Variants in MOB4 observed in about 807,000 individuals in gnomAD.
MOB4 encodes MOB-like protein phocein.
In MOB4, 4 loss-of-function variants were observed where a neutral mutation model predicts 32.2. The ratio of observed to expected loss-of-function variants is 0.12; its 90% CI spans 0.06 to 0.28. The LOEUF (loss-of-function observed/expected upper bound fraction) is 0.28, where lower values mean the gene tolerates loss of function less well. MOB4 is among the 10% of genes least tolerant of loss of function. The probability of loss-of-function intolerance (pLI) is 1.00; values close to 1 mark genes in which losing one functional copy is unlikely to be tolerated. For missense variants in MOB4, 158 were observed against 271.2 expected, an observed-to-expected ratio of 0.58 and a Z score of 2.93; for synonymous variants, 88 against 88.1, an observed-to-expected ratio of 1.00 and a Z score of 0.01.
At chr2:197,538,756 G>T (rs2086846358) in intron 3 of MOB4, among the ~76,000 whole-genome samples, 1 of 152,118 alleles carries the variant, frequency 6.6e-6, no homozygotes, top group African/African-American at 2.4e-5. Context: ...TAAAAGGGTT[G>T]GGTAAGAAAC....
At chr2:197,522,482 C>T (rs1245661351) in intron 1 of MOB4, among the ~76,000 whole-genome samples, 2 of 151,652 alleles carry the variant, frequency 1.3e-5, no homozygotes, top group African/African-American at 4.8e-5. Flanking sequence ...AGGCGCACGC[C>T]ACCATGCCCG....
chr2:197,528,196 C>G (rs1313769714), intron 2 of MOB4, among the ~76,000 whole-genome samples: 2 of 152,126 alleles, frequency 1.3e-5, no homozygotes, highest in Admixed American at 6.6e-5. Flanking sequence ...CGTTTTATTA[C>G]TTTTTAATTT....
At chr2:197,528,259 G>A (rs1488648465) in intron 2 of MOB4, among the ~76,000 whole-genome samples, 2 of 151,984 alleles carry the variant, frequency 1.3e-5, no homozygotes, top group East Asian at 3.9e-4. Flanking sequence ...GTCTTTTTAA[G>A]GGTGAGTTGA....
chr2:197,535,704 G>A, intron 3 of MOB4, 74 bp downstream of exon 3: 1 of 1,515,672 alleles, frequency 6.6e-7, no homozygotes, highest in Non-Finnish European at 8.9e-7. Context: ...ATTATGAATT[G>A]TAAAATTTAC....
intron 6 of MOB4, 38 bp from the exon 7 acceptor site, chr2:197,550,237 C>A (rs2087074549): frequency 6.4e-7 from 1 of 1,558,604 alleles, no homozygotes; most frequent in Non-Finnish European, 8.7e-7. Context: ...AAGATTCTAT[C>A]CAGTTCTAAG....
intron 1 of MOB4, 153 bp downstream of exon 1, chr2:197,516,299 T>A (rs1279345395): frequency 7.0e-7 from 1 of 1,436,444 alleles, no homozygotes; most frequent in Non-Finnish European, 9.1e-7. Context: ...CTGCAGCCCC[T>A]CAATTTGGCT....
At chr2:197,539,717 C>T (rs943822093) in intron 3 of MOB4, among the ~76,000 whole-genome samples, 6 of 152,154 alleles carry the variant, frequency 3.9e-5, no homozygotes, top group African/African-American at 1.2e-4. Flanking sequence ...TATATAGCTC[C>T]TGTGAACATC....
At chr2:197,519,687 G>T (rs1258719125) in intron 1 of MOB4, among the ~76,000 whole-genome samples, 1 of 152,102 alleles carries the variant, frequency 6.6e-6, no homozygotes. Context: ...CCCCTGAAAT[G>T]AATATTTTCA....
rs565595145 is a variant in MOB4 at position 197,520,966 on chromosome 2, T to C, written c.61-2658T>C. Among the ~76,000 whole-genome samples, 11 of 151,158 alleles carry C rather than the reference T, an allele frequency of 7.3e-5. No individual in the cohort carries two copies. The South Asian group carries it at 1.5e-3, about 20-fold the overall frequency. On this transcript the variant is annotated intron_variant, in intron 1 of 7. Transcript: ENST00000323303. The stretch of plus-strand genomic sequence containing the variant: ...TTTAACAGAAAGCTGGTTTATTTGA[T>C]GTTTCCTTCTCTTTTTAAAATTTTT...
intron 6 of MOB4, among the ~76,000 whole-genome samples, chr2:197,549,233 A>G (rs958896773): frequency 1.3e-5 from 2 of 152,198 alleles, no homozygotes; most frequent in Non-Finnish European, 2.9e-5. Flanking sequence ...TCTCAAAAAA[A>G]AAAGAGCAGA....
upstream of MOB4, chr2:197,515,858 G>A (rs987165791): frequency 1.9e-6 from 1 of 536,968 alleles, no homozygotes; most frequent in Non-Finnish European, 3.3e-6. Context: ...CCCGCCTTCC[G>A]GTGCCTCAGT....
rs779338386 is a variant in MOB4 at position 197,550,502 on chromosome 2, T to C, written c.547-13T>C. On this transcript the variant is annotated splice_polypyrimidine_tract_variant and intron_variant, in intron 7 of 7. Transcript: ENST00000323303. ...AGTGAATTAAAATAACATTTTTGTC[T>C]TCCTCTCTACAGAATGAAACATTTT... The C allele has an allele frequency of 6.3e-7, 1 of 1,583,992 alleles. No homozygotes were observed. The highest frequency in any genetic ancestry group is 8.6e-7 in the Non-Finnish European group (1 of 1,167,920).
intron 5 of MOB4, among the ~76,000 whole-genome samples, chr2:197,544,400 C>T (rs2086955125): frequency 6.6e-6 from 1 of 152,018 alleles, no homozygotes; most frequent in Non-Finnish European, 1.5e-5. Flanking sequence ...GAGTTGGAAA[C>T]AGTGAAGATG....
chr2:197,540,332 ATATAAT>A lies in MOB4; in HGVS notation c.268-15_268-10del. On this transcript the variant is annotated splice_polypyrimidine_tract_variant and intron_variant, in intron 4 of 7. Coordinates refer to ENST00000323303, the MANE Select transcript of MOB4 (RefSeq NM_015387.5). ...TCATTATTATTTTACATATTAAGAA[ATATAAT>A]TATTTTTAACAGAGTGAATGCCATC... 1 of 1,525,892 alleles carries A rather than the reference ATATAAT, an allele frequency of 6.6e-7. No individual in the cohort carries two copies. The highest frequency in any genetic ancestry group is 2.4e-5 in the East Asian group (1 of 41,672). The allele number at this position is 1,525,892 out of a possible 1,614,324, so 94.5% of individuals were successfully genotyped here.
intron 5 of MOB4, among the ~76,000 whole-genome samples, chr2:197,541,920 A>G (rs1022778785): frequency 3.1e-5 from 4 of 128,830 alleles, no homozygotes; most frequent in African/African-American, 9.8e-5. Context: ...CTCCGTCTCA[A>G]AAAAAATAAA....
At chr2:197,545,209 C>CA (rs1305317667) in intron 5 of MOB4, among the ~76,000 whole-genome samples, 1 of 152,146 alleles carries the variant, frequency 6.6e-6, no homozygotes, top group Non-Finnish European at 1.5e-5. Context: ...TCAGTAGCCT[C>CA]AGAGGATTGG....
chr2:197,544,761 A>G (rs970550086), intron 5 of MOB4, among the ~76,000 whole-genome samples: 1 of 152,140 alleles, frequency 6.6e-6, no homozygotes, highest in East Asian at 1.9e-4. Context: ...TCAAAAAAAA[A>G]AAAAGGGTCA....
At chr2:197,524,364 C>G (rs560224579) in intron 2 of MOB4, among the ~76,000 whole-genome samples, 1 of 151,726 alleles carries the variant, frequency 6.6e-6, no homozygotes, top group South Asian at 2.1e-4. Context: ...AACCCTGTCT[C>G]TACTAAAAAC....
chr2:197,525,476 C>T (rs935923898), intron 2 of MOB4, among the ~76,000 whole-genome samples: 3 of 152,042 alleles, frequency 2.0e-5, no homozygotes, highest in African/African-American at 7.2e-5. Flanking sequence ...GGGCTCACAC[C>T]TGTAATCTTA....
Sources: allele counts gnomAD v4.1 joint callset (sites outside exome capture counted in the v4.1 genomes callset), GRCh38; gene constraint gnomAD v4.1.1; transcripts MANE v1.5; gene names NCBI Gene and HGNC (gene_info 2026-07-23, HGNC 2026-07-21).